The following LRRC37A2 variants were observed in gnomAD, a reference collection of about 807,000 sequenced individuals.
LRRC37A2 encodes leucine-rich repeat-containing protein 37A2.
A neutral mutation model predicts 68.8 loss-of-function variants in LRRC37A2; 9 were observed. That is an observed-to-expected ratio of 0.13 (90% CI 0.08 to 0.23). LRRC37A2 has a LOEUF of 0.23. LRRC37A2 is among the 10% of genes least tolerant of loss of function. The pLI, the probability that LRRC37A2 is intolerant of heterozygous loss-of-function variation, is 1.00. For missense variants in LRRC37A2, 168 were observed against 950.4 expected (o/e 0.18, Z 10.82); for synonymous variants, 63 against 367.6 (o/e 0.17, Z 9.48).
chr17:46,942,107 G>A, the LRRC37A2 span: 1 of 240,200 alleles, frequency 4.2e-6, no homozygotes, highest in South Asian at 1.5e-4. Flanking sequence ...AATCAAGTCA[G>A]TGTAGAATGT....
chr17:46,866,284 T>A, the LRRC37A2 span, among the ~76,000 whole-genome samples: 1 of 152,134 alleles, frequency 6.6e-6, no homozygotes, highest in South Asian at 2.1e-4. Context: ...GCACTGCCCC[T>A]CACTGAACTC....
chr17:46,848,051 C>T, the LRRC37A2 span, among the ~76,000 whole-genome samples: 1 of 151,910 alleles, frequency 6.6e-6, no homozygotes, highest in East Asian at 1.9e-4. Context: ...GCGCTGGCTG[C>T]CTTGGGCTGG....
At chr17:46,800,422 T>C in the LRRC37A2 span, among the ~76,000 whole-genome samples, 1 of 152,324 alleles carries the variant, frequency 6.6e-6, no homozygotes, top group African/African-American at 2.4e-5. Flanking sequence ...GATAACAGAA[T>C]TCCTAACTGT....
chr17:46,931,855 A>G, the LRRC37A2 span: 1 of 600,374 alleles, frequency 1.7e-6, no homozygotes, highest in East Asian at 2.8e-5. Context: ...AGCTGCTGGA[A>G]TCTTGTGTGC....
At chr17:46,894,095 A>T in the LRRC37A2 span, among the ~76,000 whole-genome samples, 1 of 152,226 alleles carries the variant, frequency 6.6e-6, no homozygotes, top group African/African-American at 2.4e-5. Flanking sequence ...CCCTGATTGC[A>T]GCCAACAAAC....
chr17:46,430,913 CT>C, the LRRC37A2 span, among the ~76,000 whole-genome samples: 16 of 81,872 alleles, frequency 2.0e-4, 1 homozygote, highest in South Asian at 5.4e-4. Context: ...TATAGACAGA[CT>C]TTAAGAAACA....
the LRRC37A2 span, among the ~76,000 whole-genome samples, chr17:46,753,379 A>AT: frequency 6.6e-6 from 1 of 152,194 alleles, no homozygotes; most frequent in African/African-American, 2.4e-5. Flanking sequence ...TGAAAATAAA[A>AT]TTTTTTTGAC....
At chr17:46,883,930 G>A in the LRRC37A2 span, among the ~76,000 whole-genome samples, 2 of 152,058 alleles carry the variant, frequency 1.3e-5, no homozygotes, top group Admixed American at 6.5e-5. Context: ...TTCCTCCCTG[G>A]CTCTCTTGGG....
the LRRC37A2 span, among the ~76,000 whole-genome samples, chr17:46,892,357 A>T: frequency 1.3e-5 from 2 of 151,996 alleles, no homozygotes; most frequent in Non-Finnish European, 2.9e-5. Context: ...CCACAGCCCC[A>T]TCCCCTGAGC....
chr17:46,876,705 CCT>C, the LRRC37A2 span: 2 of 1,552,696 alleles, frequency 1.3e-6, no homozygotes, highest in South Asian at 2.5e-5. Context: ...CTTGTGTACA[CCT>C]GCAAGCACTA....
chr17:46,681,659 A>G, the LRRC37A2 span, among the ~76,000 whole-genome samples: 4 of 124,410 alleles, frequency 3.2e-5, no homozygotes, highest in Non-Finnish European at 6.5e-5. Context: ...CTTTATAGCA[A>G]TCCTCTTAGT....
chr17:46,534,807 C>T lies in LRRC37A2; in HGVS notation c.2907-5369C>T, dbSNP rs569741767. 5.9e-4 allele frequency among the ~76,000 whole-genome samples: 86 copies of T among 146,892 alleles called. 3 individuals are homozygous for T. Among genetic ancestry groups the T allele is most frequent in the African/African-American group, 1.3e-3 (49 of 37,160 alleles). On this transcript the variant is annotated intron_variant, in intron 6 of 14. Coordinates refer to ENST00000576629, the Ensembl canonical transcript of LRRC37A2. ...GCGCCCCCCCACCTCCCGGAGGGGGCGGCTGGCCAGGCGGGGGCTGGCCCC... is the reference window on the plus strand; with the variant it reads ...GCGCCCCCCCACCTCCCGGAGGGGGTGGCTGGCCAGGCGGGGGCTGGCCCC...
At chr17:46,903,453 C>G in the LRRC37A2 span, among the ~76,000 whole-genome samples, 1 of 152,074 alleles carries the variant, frequency 6.6e-6, no homozygotes. Flanking sequence ...TTCAATGATG[C>G]CTTTGGGCCC....
the LRRC37A2 span, among the ~76,000 whole-genome samples, chr17:46,837,032 T>A: frequency 6.6e-6 from 1 of 152,044 alleles, no homozygotes; most frequent in Admixed American, 6.6e-5. Flanking sequence ...AACCTCCACC[T>A]CCCAGGTTCA....
chr17:46,690,646 A>G, the LRRC37A2 span, among the ~76,000 whole-genome samples: 1 of 115,268 alleles, frequency 8.7e-6, no homozygotes, highest in South Asian at 2.8e-4. Context: ...TATATATTGT[A>G]TAGGGATGGG....
chr17:46,779,099 A>ACC, the LRRC37A2 span, among the ~76,000 whole-genome samples: 1,505 of 128,592 alleles, frequency 0.012, 95 homozygotes, highest in East Asian at 0.11. Context: ...ACACACACAC[A>ACC]CACACCCCAG....
the LRRC37A2 span, among the ~76,000 whole-genome samples, chr17:46,688,164 A>G: frequency 6.9e-6 from 1 of 144,080 alleles, no homozygotes; most frequent in Non-Finnish European, 1.5e-5. Context: ...CAAAAAACAT[A>G]GCTAGGAATC....
At chr17:46,865,091 T>G in the LRRC37A2 span, among the ~76,000 whole-genome samples, 1 of 152,202 alleles carries the variant, frequency 6.6e-6, no homozygotes, top group Non-Finnish European at 1.5e-5. Context: ...TGACACCTGA[T>G]GCATACGTGC....
chr17:46,421,273 A>G, the LRRC37A2 span, among the ~76,000 whole-genome samples: 1 of 23,230 alleles, frequency 4.3e-5, no homozygotes, highest in Admixed American at 3.1e-4. Context: ...TGGTATGCCC[A>G]TGGCTACACA....
Sources: allele counts gnomAD v4.1 joint callset (sites outside exome capture counted in the v4.1 genomes callset), GRCh38; gene constraint gnomAD v4.1.1; transcripts MANE v1.5; gene names NCBI Gene and HGNC (gene_info 2026-07-23, HGNC 2026-07-21).